Variants in SUGCT observed in about 807,000 individuals in gnomAD.
The protein encoded by SUGCT is succinyl-CoA:glutarate-CoA transferase, also known as succinyl-CoA:glutarate CoA-transferase.
SUGCT carries 41 observed loss-of-function variants against 55.0 expected under a neutral mutation model. The observed-to-expected ratio is 0.74, with a 90% CI of 0.58 to 0.97. The LOEUF (loss-of-function observed/expected upper bound fraction) is 0.97. Among genes scored for constraint, SUGCT ranks in the 50% least tolerant of loss-of-function variants. SUGCT has a pLI of 0.00. For synonymous variants in SUGCT, 187 were observed against 200.4 expected (o/e 0.93, Z 0.56); for missense variants, 568 against 547.8 (o/e 1.04, Z -0.37).
chr7:40,172,017 C>T (rs1372730236), intron 1 of SUGCT, among the ~76,000 whole-genome samples: 1 of 152,138 alleles, frequency 6.6e-6, no homozygotes, highest in African/African-American at 2.4e-5. Flanking sequence ...TTCCCTCTCT[C>T]TCTTTTGGTA....
chr7:40,877,900 C>A, the SUGCT span, among the ~76,000 whole-genome samples: 3 of 152,218 alleles, frequency 2.0e-5, no homozygotes, highest in African/African-American at 7.2e-5. Flanking sequence ...CACCAAAGAT[C>A]TAAACAAAGC....
chr7:41,028,039 A>T, the SUGCT span, among the ~76,000 whole-genome samples: 2 of 152,188 alleles, frequency 1.3e-5, no homozygotes, highest in African/African-American at 2.4e-5. Context: ...ATCATGCAGG[A>T]AACAGGCTTA....
chr7:40,395,477 G>C (rs1424996846), intron 9 of SUGCT, among the ~76,000 whole-genome samples: 2 of 62,610 alleles, frequency 3.2e-5, no homozygotes, highest in Non-Finnish European at 5.7e-5. Flanking sequence ...CTACAAGAGA[G>C]AAACTCTGTC....
chr7:40,257,650 C>T (rs1258612259), intron 7 of SUGCT, among the ~76,000 whole-genome samples: 10 of 152,012 alleles, frequency 6.6e-5, no homozygotes, highest in African/African-American at 1.9e-4. Context: ...CTGAGGCTGG[C>T]GGATCACCTG....
chr7:40,952,179 G>C, the SUGCT span, among the ~76,000 whole-genome samples: 2 of 152,126 alleles, frequency 1.3e-5, no homozygotes, highest in Non-Finnish European at 2.9e-5. Context: ...AGCTCTTCTT[G>C]TTGCATTCAT....
chr7:40,268,236 T>C (rs1456437454), intron 7 of SUGCT, among the ~76,000 whole-genome samples: 1 of 152,124 alleles, frequency 6.6e-6, no homozygotes, highest in Non-Finnish European at 1.5e-5. Flanking sequence ...AAGAAACCTC[T>C]TACCTATTTG....
chr7:40,769,484 G>C (rs1788977918), intron 13 of SUGCT, among the ~76,000 whole-genome samples: 1 of 152,232 alleles, frequency 6.6e-6, no homozygotes, highest in African/African-American at 2.4e-5. Flanking sequence ...TTTATAAGAG[G>C]GACACAGGAG....
At chr7:40,320,702 T>C (rs1584672361) in intron 9 of SUGCT, among the ~76,000 whole-genome samples, 1 of 152,302 alleles carries the variant, frequency 6.6e-6, no homozygotes, top group Middle Eastern at 3.4e-3. Flanking sequence ...CTCTACTGTC[T>C]CCAATATCGT....
the SUGCT span, among the ~76,000 whole-genome samples, chr7:40,905,424 TATTA>T: frequency 1.3e-5 from 2 of 152,230 alleles, no homozygotes; most frequent in Admixed American, 6.5e-5. Context: ...GCATAACTAA[TATTA>T]ATTATGATAT....
At chr7:41,012,330 C>T in the SUGCT span, among the ~76,000 whole-genome samples, 2 of 152,262 alleles carry the variant, frequency 1.3e-5, no homozygotes, top group South Asian at 2.1e-4. Flanking sequence ...TGTGAAGAGC[C>T]GTGAACTATA....
intron 12 of SUGCT, among the ~76,000 whole-genome samples, chr7:40,662,827 C>T (rs1801399444): frequency 6.6e-6 from 1 of 152,176 alleles, no homozygotes; most frequent in Admixed American, 6.5e-5. Flanking sequence ...AAAATTAATA[C>T]TTATAATCAT....
At chr7:40,186,772 G>A (rs1785541449) in intron 3 of SUGCT, among the ~76,000 whole-genome samples, 2 of 152,266 alleles carry the variant, frequency 1.3e-5, no homozygotes, top group East Asian at 3.9e-4. Context: ...GTCTCCACTA[G>A]GGGACACGAG....
chr7:40,493,163 T>A (rs1287165287), intron 11 of SUGCT, among the ~76,000 whole-genome samples: 1 of 152,202 alleles, frequency 6.6e-6, no homozygotes, highest in East Asian at 1.9e-4. Flanking sequence ...GTTTTGGAGT[T>A]AAGCAGTCTC....
chr7:41,030,338 C>T, the SUGCT span, among the ~76,000 whole-genome samples: 1 of 152,078 alleles, frequency 6.6e-6, no homozygotes, highest in Admixed American at 6.5e-5. Context: ...ATTTGGAAGC[C>T]TTACTTTCTG....
At chr7:40,908,845 C>A in the SUGCT span, among the ~76,000 whole-genome samples, 3 of 152,130 alleles carry the variant, frequency 2.0e-5, no homozygotes, top group Non-Finnish European at 4.4e-5. Flanking sequence ...GAAAATACAA[C>A]AACTTACAAA....
At chr7:40,438,906 C>A (rs1348956076) in intron 9 of SUGCT, among the ~76,000 whole-genome samples, 1 of 150,852 alleles carries the variant, frequency 6.6e-6, no homozygotes, top group Non-Finnish European at 1.5e-5. Flanking sequence ...GCTTAGAATT[C>A]ACTGAGGAGT....
At chr7:40,505,915 C>T (rs139565490) in intron 12 of SUGCT, among the ~76,000 whole-genome samples, 1 of 152,100 alleles carries the variant, frequency 6.6e-6, no homozygotes, top group Non-Finnish European at 1.5e-5. Context: ...TGCTCTTACT[C>T]ACAATGATTG....
chr7:40,582,972 T>G (rs977638373), intron 12 of SUGCT, among the ~76,000 whole-genome samples: 1 of 152,216 alleles, frequency 6.6e-6, no homozygotes, highest in Admixed American at 6.6e-5. Context: ...TTGTGTTTTA[T>G]GTATAAGTAA....
At chr7:40,985,744 A>G in the SUGCT span, among the ~76,000 whole-genome samples, 1 of 152,196 alleles carries the variant, frequency 6.6e-6, no homozygotes, top group Non-Finnish European at 1.5e-5. Context: ...GAACTGTTGA[A>G]GGTTTTCACT....
Sources: allele counts gnomAD v4.1 joint callset (sites outside exome capture counted in the v4.1 genomes callset), GRCh38; gene constraint gnomAD v4.1.1; transcripts MANE v1.5; gene names NCBI Gene and HGNC (gene_info 2026-07-23, HGNC 2026-07-21).